MAP3K20: variants seen among roughly 807,000 people sequenced by gnomAD.
MAP3K20 encodes HCCS-4.
A neutral mutation model predicts 85.7 loss-of-function variants in MAP3K20; 40 were observed. The observed-to-expected ratio is 0.47, with a 90% CI of 0.36 to 0.61. The LOEUF (loss-of-function observed/expected upper bound fraction) is 0.61. Ranked by LOEUF, MAP3K20 falls within the 20% of genes least tolerant of loss-of-function variation. MAP3K20 has a pLI of 0.00. For missense variants in MAP3K20, 817 were observed against 961.7 expected, an observed-to-expected ratio of 0.85 and a Z score of 1.99; for synonymous variants, 325 against 327.7, an observed-to-expected ratio of 0.99 and a Z score of 0.09.
intron 1 of MAP3K20, among the ~76,000 whole-genome samples, chr2:173,081,985 G>C (rs1050326171): frequency 6.6e-6 from 1 of 151,660 alleles, no homozygotes; most frequent in African/African-American, 2.4e-5. Context: ...GAGGGTGGCA[G>C]ATTTTCTTGT....
intron 2 of MAP3K20, among the ~76,000 whole-genome samples, chr2:173,158,547 A>G (rs375845747): frequency 6.6e-6 from 1 of 152,386 alleles, no homozygotes; most frequent in South Asian, 2.1e-4. Context: ...AGGTAAAAAC[A>G]TAAGTAAACA....
chr2:173,204,101 T>C (rs1683583413), intron 9 of MAP3K20, among the ~76,000 whole-genome samples: 1 of 152,216 alleles, frequency 6.6e-6, no homozygotes, highest in Admixed American at 6.5e-5. Flanking sequence ...CTGAATTCAG[T>C]ATAAATAATT....
chr2:173,187,719 C>T (rs1024175308), intron 5 of MAP3K20, 96 bp downstream of exon 5: 1 of 1,112,934 alleles, frequency 9.0e-7, no homozygotes, highest in Non-Finnish European at 1.3e-6. Flanking sequence ...TCTTTTGTAA[C>T]CTACTATTGG....
In MAP3K20 at chr2:173,230,562, G is replaced by A. The variant is rs1452437236; in HGVS notation, c.1032+829G>A. On this transcript the variant is annotated intron_variant, in intron 12 of 19. Coordinates refer to ENST00000375213, the MANE Select transcript of MAP3K20 (RefSeq NM_016653.3). ...CAGAGAAGCCCTATGTTTTTGAGAGGCTGCACTCAGACTGTTGAAGTCCAA... is the reference window on the plus strand; with the variant it reads ...CAGAGAAGCCCTATGTTTTTGAGAGACTGCACTCAGACTGTTGAAGTCCAA... Among the ~76,000 whole-genome samples, 3 of 152,166 alleles carry A rather than the reference G, an allele frequency of 2.0e-5. 1 individual carries two copies. Among genetic ancestry groups the A allele is most frequent in the Non-Finnish European group, 4.4e-5 (3 of 68,026 alleles).
At chr2:173,163,747 T>C (rs1689732526) in intron 2 of MAP3K20, among the ~76,000 whole-genome samples, 1 of 152,342 alleles carries the variant, frequency 6.6e-6, no homozygotes, top group Admixed American at 6.5e-5. Context: ...TTATATTCCC[T>C]TGGGTTTCCC....
intron 16 of MAP3K20, among the ~76,000 whole-genome samples, chr2:173,255,412 ATTGGT>A (rs1685135588): frequency 6.6e-6 from 1 of 152,174 alleles, no homozygotes; most frequent in Non-Finnish European, 1.5e-5. Flanking sequence ...TCAACCACGT[ATTGGT>A]CATGAAACCC....
At chr2:173,149,555 A>G (rs1689239303) in intron 2 of MAP3K20, among the ~76,000 whole-genome samples, 1 of 151,880 alleles carries the variant, frequency 6.6e-6, no homozygotes, top group Non-Finnish European at 1.5e-5. Flanking sequence ...AAGTCTCATT[A>G]TCCTCATTCC....
At chr2:173,141,603 T>C (rs572495560) in intron 2 of MAP3K20, among the ~76,000 whole-genome samples, 75 of 152,032 alleles carry the variant, frequency 4.9e-4, no homozygotes, top group Non-Finnish European at 9.0e-4. Flanking sequence ...ATTAATGGAA[T>C]CACAGAAAGA....
intron 16 of MAP3K20, among the ~76,000 whole-genome samples, chr2:173,251,420 G>A (rs1685039987): frequency 6.6e-6 from 1 of 152,112 alleles, no homozygotes; most frequent in African/African-American, 2.4e-5. Context: ...AAAGCCAAAT[G>A]ACCTGGCTAC....
At chr2:173,237,913 C>A (rs1385990370) in intron 14 of MAP3K20, among the ~76,000 whole-genome samples, 1 of 152,152 alleles carries the variant, frequency 6.6e-6, no homozygotes, top group Non-Finnish European at 1.5e-5. Context: ...TCCCTGTAAT[C>A]CCAGCACTTT....
chr2:173,172,721 C>G (rs947509421), intron 3 of MAP3K20, among the ~76,000 whole-genome samples: 1 of 152,040 alleles, frequency 6.6e-6, no homozygotes, highest in Non-Finnish European at 1.5e-5. Flanking sequence ...TCTCCCAGAT[C>G]TACAAAGAAA....
intron 2 of MAP3K20, among the ~76,000 whole-genome samples, chr2:173,107,112 T>A (rs1323365692): frequency 6.6e-6 from 1 of 152,130 alleles, no homozygotes; most frequent in Non-Finnish European, 1.5e-5. Flanking sequence ...AACTAGGGAT[T>A]GGTACATGAT....
intron 2 of MAP3K20, among the ~76,000 whole-genome samples, chr2:173,147,680 G>A (rs1032645022): frequency 9.9e-5 from 15 of 151,982 alleles, no homozygotes; most frequent in African/African-American, 3.1e-4. Context: ...TCCGCCTCCC[G>A]GGTTCAAGTG....
At chr2:173,225,188 T>C in intron 11 of MAP3K20, 1 of 978,094 alleles carries the variant, frequency 1.0e-6, no homozygotes, top group African/African-American at 1.7e-5. Context: ...TTTGAGAGTG[T>C]TGGGGCTAGG....
intron 11 of MAP3K20, among the ~76,000 whole-genome samples, chr2:173,228,951 A>C: frequency 6.6e-6 from 1 of 152,226 alleles, no homozygotes; most frequent in East Asian, 1.9e-4. Context: ...CCAAACTCTA[A>C]TTTGACTTAT....
At chr2:173,207,263 C>G (rs1469763749) in intron 9 of MAP3K20, among the ~76,000 whole-genome samples, 4 of 152,154 alleles carry the variant, frequency 2.6e-5, no homozygotes, top group African/African-American at 9.7e-5. Flanking sequence ...GAGGCCAAGA[C>G]AGGCAGATTG....
chr2:173,104,306 C>T (rs900479668), intron 2 of MAP3K20, among the ~76,000 whole-genome samples: 1 of 152,124 alleles, frequency 6.6e-6, no homozygotes, highest in African/African-American at 2.4e-5. Context: ...CCCCTAAAAC[C>T]ATAACCCCAG....
intron 4 of MAP3K20, among the ~76,000 whole-genome samples, chr2:173,184,176 T>C (rs577570935): frequency 4.6e-5 from 7 of 152,210 alleles, no homozygotes; most frequent in Admixed American, 6.5e-5. Flanking sequence ...TGTATGTCAG[T>C]AGAACACAAG....
chr2:173,080,096 A>G (rs896499349), intron 1 of MAP3K20, among the ~76,000 whole-genome samples: 10 of 152,230 alleles, frequency 6.6e-5, no homozygotes, highest in South Asian at 2.1e-4. Context: ...GCATTGTGCT[A>G]TGATGTTAGG....
Sources: gnomAD v4.1 joint callset for allele counts (sites outside exome capture counted in the v4.1 genomes callset) on GRCh38, gnomAD v4.1.1 for gene constraint, MANE v1.5 for transcripts, NCBI Gene and HGNC (gene_info 2026-07-23, HGNC 2026-07-21) for gene names.